TPP2: variants seen among roughly 807,000 people sequenced by gnomAD.
The protein encoded by TPP2 is tripeptidyl-peptidase 2.
TPP2 carries 34 observed loss-of-function variants against 155.9 expected under a neutral mutation model. The observed-to-expected ratio is 0.22, with a 90% CI of 0.17 to 0.29. TPP2 has a LOEUF of 0.29. Ranked by LOEUF, TPP2 falls within the 10% of genes least tolerant of loss-of-function variation. The probability of loss-of-function intolerance (pLI) is 1.00; values close to 1 mark genes in which losing one functional copy is unlikely to be tolerated. For missense variants in TPP2, 1,028 were observed against 1,522.3 expected, an observed-to-expected ratio of 0.68 and a Z score of 5.40; for synonymous variants, 510 against 529.4, an observed-to-expected ratio of 0.96 and a Z score of 0.50.
chr13:102,637,044 A>C, intron 13 of TPP2, 38 bp from the exon 14 acceptor site: 1 of 1,552,014 alleles, frequency 6.4e-7, no homozygotes, highest in Non-Finnish European at 8.6e-7. Flanking sequence ...AAAAGGAAAA[A>C]AATACTCATC....
At chr13:102,609,699 C>A (rs1457058907) in intron 2 of TPP2, among the ~76,000 whole-genome samples, 1 of 151,932 alleles carries the variant, frequency 6.6e-6, no homozygotes, top group African/African-American at 2.4e-5. Context: ...GCCCAGCCCC[C>A]ATGCATTTTT....
intron 2 of TPP2, among the ~76,000 whole-genome samples, chr13:102,610,771 T>C (rs1480709091): frequency 6.6e-6 from 1 of 152,168 alleles, no homozygotes; most frequent in Non-Finnish European, 1.5e-5. Context: ...TGAATAGAAC[T>C]TTAAAACCTT....
intron 27 of TPP2, among the ~76,000 whole-genome samples, chr13:102,672,187 A>G (rs777929540): frequency 6.6e-6 from 1 of 152,152 alleles, no homozygotes; most frequent in Non-Finnish European, 1.5e-5. Context: ...CAGGCTAGGG[A>G]CTGCCGGCAC....
chr13:102,632,459 CT>C (rs2139493827), intron 10 of TPP2, among the ~76,000 whole-genome samples: 1 of 152,146 alleles, frequency 6.6e-6, no homozygotes, highest in Admixed American at 6.5e-5. Flanking sequence ...CCAGGCTGGT[CT>C]TGAACTCCTG....
chr13:102,643,479 T>A, intron 17 of TPP2, 103 bp downstream of exon 17: 2 of 1,155,864 alleles, frequency 1.7e-6, no homozygotes, highest in Non-Finnish European at 2.2e-6. Context: ...GTATTTAGCA[T>A]GTTGGGATTA....
In TPP2 at chr13:102,679,349, C is replaced by CT. The variant is rs1885490337; in HGVS notation, c.*1038dup. 6.6e-6 allele frequency: 1 copy of CT among 152,074 alleles called. No individual in the cohort carries two copies. The highest frequency in any genetic ancestry group is 6.5e-5 in the Admixed American group (1 of 15,268). 9.4% of individuals were successfully genotyped at this position (152,074 alleles called of 1,614,324 possible). A position where few individuals can be genotyped will look rare whatever the true frequency, so the allele number is the denominator to read the frequency against. Reference sequence around the variant, plus strand: ...ATGATTAACTTTTGTGCATATCTAACTTTTTATTATTTTTATCTTTGGCTA... The same window carrying CT: ...ATGATTAACTTTTGTGCATATCTAACTTTTTTATTATTTTTATCTTTGGCTA... On this transcript the variant is annotated 3_prime_UTR_variant, in exon 30 of 30. Coordinates refer to ENST00000376052, the MANE Select transcript of TPP2 (RefSeq NM_001330588.2).
intron 13 of TPP2, among the ~76,000 whole-genome samples, 196 bp downstream of exon 13, chr13:102,636,588 C>T (rs1179481643): frequency 6.6e-6 from 1 of 152,168 alleles, no homozygotes; most frequent in African/African-American, 2.4e-5. Context: ...ATTTAGTTAG[C>T]ATCTTAAACT....
chr13:102,636,087 G>T, intron 12 of TPP2, 137 bp from the exon 13 acceptor site: 1 of 754,294 alleles, frequency 1.3e-6, no homozygotes, highest in Non-Finnish European at 2.1e-6. Flanking sequence ...CTTAGTTGGG[G>T]TACTAGGTAG....
intron 7 of TPP2, among the ~76,000 whole-genome samples, 182 bp downstream of exon 7, chr13:102,627,348 G>A (rs1276601685): frequency 6.6e-6 from 1 of 151,660 alleles, no homozygotes; most frequent in Non-Finnish European, 1.5e-5. Context: ...ATATTATTAG[G>A]ATTTGGCCTA....
chr13:102,652,906 A>G lies in TPP2; in HGVS notation c.2991+1509A>G, dbSNP rs1420908958. Among the ~76,000 whole-genome samples, 10 of 152,316 alleles carry G rather than the reference A, an allele frequency of 6.6e-5. No individual in the cohort carries two copies. The East Asian group carries it at 7.7e-4, about 12-fold the overall frequency. On this transcript the variant is annotated intron_variant, in intron 24 of 29. Coordinates refer to ENST00000376052, the MANE Select transcript of TPP2 (RefSeq NM_001330588.2). ...TGGGACATTGTAAAAATAGTTTGCAAGTTACTGCTTTAGAGAACAAGGAAT... is the reference window on the plus strand; with the variant it reads ...TGGGACATTGTAAAAATAGTTTGCAGGTTACTGCTTTAGAGAACAAGGAAT...
rs576855499 is a variant in TPP2, at chr13:102,649,978, C to T, written c.2952+492C>T. ...TCTTCACACTTCTACAGACCTATCT[C>T]ATTGGAATTTCACATGGTTAAGTAG... On this transcript the variant is annotated intron_variant, in intron 23 of 29. Coordinates refer to ENST00000376052, the MANE Select transcript of TPP2 (RefSeq NM_001330588.2). 5.9e-5 allele frequency among the ~76,000 whole-genome samples: 9 copies of T among 152,236 alleles called. No homozygotes were observed. The South Asian group carries it at 8.3e-4, about 14-fold the overall frequency.
At chr13:102,602,451 A>G (rs1196814862) in intron 1 of TPP2, among the ~76,000 whole-genome samples, 1 of 152,092 alleles carries the variant, frequency 6.6e-6, no homozygotes, top group African/African-American at 2.4e-5. Flanking sequence ...GACAGTTCCC[A>G]AGAAGTAAAC....
chr13:102,614,225 G>A lies in TPP2; in HGVS notation c.390+29G>A, dbSNP rs1354147149. The A allele has an allele frequency of 2.0e-6, 3 of 1,514,620 alleles. No individual in the cohort carries two copies. In the Admixed American group the frequency reaches 5.7e-5, roughly 29 times the overall value. 93.8% of individuals were successfully genotyped at this position (1,514,620 alleles called of 1,614,324 possible). On this transcript the variant is annotated intron_variant, in intron 3 of 29. Coordinates refer to ENST00000376052, the MANE Select transcript of TPP2 (RefSeq NM_001330588.2). The stretch of plus-strand genomic sequence containing the variant: ...ATGTACAATCTGGTACCAATGAGTT[G>A]TATTCTTCTGACTTGTCTTCTTCCT...
intron 26 of TPP2, 93 bp from the exon 27 acceptor site, chr13:102,664,702 T>C: frequency 1.5e-6 from 2 of 1,290,898 alleles, no homozygotes; most frequent in Non-Finnish European, 2.1e-6. Flanking sequence ...CACACTGCAG[T>C]TGTAGGTCTC....
At chr13:102,603,164 T>C (rs1428353254) in intron 1 of TPP2, among the ~76,000 whole-genome samples, 1 of 152,234 alleles carries the variant, frequency 6.6e-6, no homozygotes, top group African/African-American at 2.4e-5. Context: ...TCAGTCTTAG[T>C]GCTAAGTAAC....
intron 3 of TPP2, among the ~76,000 whole-genome samples, chr13:102,615,902 T>C (rs12877362): frequency 0.25 from 37,726 of 152,100 alleles, 4,963 homozygotes; most frequent in Non-Finnish European, 0.29. Context: ...TGCAATGAAT[T>C]GACTAACCAG....
rs762169717 is a variant in TPP2 at position 102,597,078 on chromosome 13, G to C, written c.40G>C (p.Gly14Arg). ...GACTGAGGAGCCCTTCCCTTTTCAC[G>C]GTCTCCTGCCGAAGAAGGAGACCGG... ...AATEEPFPFHGLLPKKETGAA... is the reference protein window; with the variant it reads ...AATEEPFPFHRLLPKKETGAA... The change falls in exon 1 of 30, where the codon GGT becomes CGT. Residue 14 changes from glycine (G) to arginine (R), a missense_variant. Coordinates refer to ENST00000376052, the MANE Select transcript of TPP2 (RefSeq NM_001330588.2). 1 of 1,611,896 alleles carries C rather than the reference G, an allele frequency of 6.2e-7. No individual in the cohort carries two copies. The highest frequency in any genetic ancestry group is 8.5e-7 in the Non-Finnish European group (1 of 1,179,492).
At chr13:102,655,008 G>A (rs780752675) in intron 24 of TPP2, 4 of 509,788 alleles carry the variant, frequency 7.8e-6, no homozygotes, top group African/African-American at 1.9e-5. Context: ...CATGTTTCAC[G>A]TGAGGCCTTT....
At chr13:102,627,317 T>A in intron 7 of TPP2, 151 bp downstream of exon 7, 1 of 584,692 alleles carries the variant, frequency 1.7e-6, no homozygotes, top group Non-Finnish European at 2.4e-6. Flanking sequence ...TACTAATTTA[T>A]TTTTAAATTA....
Sources: gnomAD v4.1 joint callset for allele counts (sites outside exome capture counted in the v4.1 genomes callset) on GRCh38, gnomAD v4.1.1 for gene constraint, MANE v1.5 for transcripts, NCBI Gene and HGNC (gene_info 2026-07-23, HGNC 2026-07-21) for gene names.